Variants in FAXDC2 observed in about 807,000 individuals in gnomAD.
FAXDC2 encodes fatty acid hydroxylase domain containing 2.
FAXDC2 carries 41 observed loss-of-function variants against 40.9 expected under a neutral mutation model. The observed-to-expected ratio is 1.00, with a 90% CI of 0.78 to 1.30. The LOEUF (loss-of-function observed/expected upper bound fraction) is 1.30. Ranked by LOEUF, FAXDC2 falls within the 50% of genes most tolerant of loss-of-function variation. The pLI is 0.00. For synonymous variants in FAXDC2, 157 were observed against 149.3 expected (o/e 1.05, Z -0.38); for missense variants, 390 against 408.8 (o/e 0.95, Z 0.40).
At chr5:154,832,762 T>C (rs916511786) in intron 4 of FAXDC2, among the ~76,000 whole-genome samples, 1 of 152,212 alleles carries the variant, frequency 6.6e-6, no homozygotes, top group African/African-American at 2.4e-5. Context: ...ACCTAACATA[T>C]ATAAAATATT....
At chr5:154,832,502 A>G (rs1160851742) in intron 4 of FAXDC2, among the ~76,000 whole-genome samples, 1 of 152,116 alleles carries the variant, frequency 6.6e-6, no homozygotes, top group Non-Finnish European at 1.5e-5. Flanking sequence ...CGCCTGGCCC[A>G]TATTTACTTT....
chr5:154,839,107 C>T (rs1178761517), intron 1 of FAXDC2, among the ~76,000 whole-genome samples: 2 of 151,854 alleles, frequency 1.3e-5, no homozygotes, highest in African/African-American at 2.4e-5. Context: ...GGGTGGATCA[C>T]CTAAGGTCAG....
intron 5 of FAXDC2, chr5:154,824,243 T>C: frequency 1.8e-6 from 1 of 541,644 alleles, no homozygotes; most frequent in South Asian, 2.2e-5. Context: ...GCCTCAATAC[T>C]GCAGCCAATA....
Position 154,838,111 on chromosome 5 carries a change from G to A in FAXDC2, c.48+20C>T. ...CTGACTACATTCTCACCAGTTTGGG[G>A]GCAAGGTGCTGGCATTTACCTGCTT... On this transcript the variant is annotated intron_variant, in intron 2 of 8. Coordinates refer to ENST00000326080, the MANE Select transcript of FAXDC2 (RefSeq NM_032385.5). The A allele has an allele frequency of 1.3e-6, 2 of 1,549,048 alleles. No individual in the cohort carries two copies. The highest frequency in any genetic ancestry group is 1.8e-6 in the Non-Finnish European group (2 of 1,120,980).
intron 5 of FAXDC2, among the ~76,000 whole-genome samples, chr5:154,825,856 C>G (rs1351526780): frequency 1.3e-5 from 2 of 151,754 alleles, no homozygotes; most frequent in Non-Finnish European, 2.9e-5. Context: ...GGTTTTTGGC[C>G]TGAGAAACTG....
chr5:154,826,643 A>G (rs1356619570), intron 5 of FAXDC2, among the ~76,000 whole-genome samples: 1 of 152,142 alleles, frequency 6.6e-6, no homozygotes, highest in African/African-American at 2.4e-5. Context: ...AGCTGTGGAA[A>G]TGTCTCTGGT....
intron 5 of FAXDC2, among the ~76,000 whole-genome samples, chr5:154,825,169 C>G (rs1056673025): frequency 1.3e-5 from 2 of 150,680 alleles, no homozygotes; most frequent in African/African-American, 2.4e-5. Flanking sequence ...TTGAGACCAT[C>G]CTGGCTAACA....
intron 4 of FAXDC2, among the ~76,000 whole-genome samples, chr5:154,833,153 C>T (rs1760235116): frequency 6.6e-6 from 1 of 151,848 alleles, no homozygotes; most frequent in African/African-American, 2.4e-5. Flanking sequence ...GCTTGTGCCT[C>T]AGCCTCCTGA....
chr5:154,828,839 G>A (rs1035408973), intron 5 of FAXDC2, among the ~76,000 whole-genome samples: 42 of 151,460 alleles, frequency 2.8e-4, no homozygotes, highest in African/African-American at 9.2e-4. Flanking sequence ...AGCATCAAGC[G>A]ATCCTCCTGT....
chr5:154,823,606 GGGA>G lies in FAXDC2; in HGVS notation c.367-17_367-15del, dbSNP rs747953480. 6.2e-7 allele frequency: 1 copy of G among 1,608,232 alleles called. No individual in the cohort carries two copies. The highest frequency in any genetic ancestry group is 1.1e-5 in the South Asian group (1 of 90,860). On this transcript the variant is annotated splice_polypyrimidine_tract_variant and intron_variant, in intron 5 of 8. Coordinates refer to ENST00000326080, the MANE Select transcript of FAXDC2 (RefSeq NM_032385.5). Reference sequence around the variant, plus strand: ...CACAGGATCCACCTGCCCAAGGGAAGGGAGGAGGGAGATGGATAAGAGTGTGAG... The same window carrying G: ...CACAGGATCCACCTGCCCAAGGGAAGGGAGGGAGATGGATAAGAGTGTGAG...
chr5:154,824,712 A>C, intron 5 of FAXDC2: 1 of 589,640 alleles, frequency 1.7e-6, no homozygotes, highest in Admixed American at 2.9e-5. Context: ...GTTGAAAATA[A>C]AGCATGAGCA....
At chr5:154,840,285 G>C (rs527482363) in intron 1 of FAXDC2, among the ~76,000 whole-genome samples, 2 of 152,132 alleles carry the variant, frequency 1.3e-5, no homozygotes, top group South Asian at 4.2e-4. Flanking sequence ...GAGGAGACGG[G>C]GGTCTTGAAC....
At chr5:154,841,852 C>T (rs6897558) in intron 1 of FAXDC2, among the ~76,000 whole-genome samples, 76 of 152,042 alleles carry the variant, frequency 5.0e-4, no homozygotes, top group African/African-American at 1.7e-3. Context: ...TATCCTGCCT[C>T]GGTCTCCCAA....
intron 1 of FAXDC2, among the ~76,000 whole-genome samples, chr5:154,848,319 A>G (rs1400250084): frequency 1.3e-5 from 2 of 152,234 alleles, no homozygotes; most frequent in East Asian, 3.8e-4. Context: ...CCTAGTTAGT[A>G]GAAATGACTT....
rs1405621482 is a variant in FAXDC2 at position 154,820,605 on chromosome 5, A to G, written c.846-133T>C. 7.1e-5 allele frequency: 48 copies of G among 679,534 alleles called. No individual in the cohort carries two copies. In the East Asian group the frequency reaches 1.5e-3, roughly 21 times the overall value. 42.1% of individuals were successfully genotyped at this position (679,534 alleles called of 1,614,324 possible). ...TGTCACCACCATCCTGACCATCTGC[A>G]TCAGAATAAGCTGGGGAGTTGCTAC... On this transcript the variant is annotated intron_variant, in intron 8 of 8. Transcript: ENST00000326080.
intron 4 of FAXDC2, among the ~76,000 whole-genome samples, chr5:154,833,117 A>G (rs987802463): frequency 2.6e-5 from 4 of 151,592 alleles, no homozygotes; most frequent in African/African-American, 9.7e-5. Flanking sequence ...GCTCACTGCA[A>G]CCTCCACCTC....
At chr5:154,830,992 CT>C in intron 4 of FAXDC2, 70 bp from the exon 5 acceptor site, 3 of 1,577,660 alleles carry the variant, frequency 1.9e-6, no homozygotes, top group Non-Finnish European at 2.6e-6. Context: ...ACAGAACATA[CT>C]TTTTTGTGGT....
intron 5 of FAXDC2, among the ~76,000 whole-genome samples, chr5:154,827,166 G>A (rs1259098585): frequency 2.0e-5 from 3 of 152,002 alleles, no homozygotes; most frequent in African/African-American, 7.2e-5. Context: ...TTACCCAGGC[G>A]TGATGGCACA....
chr5:154,820,964 T>C (rs765224041), intron 8 of FAXDC2: 10 of 351,344 alleles, frequency 2.8e-5, no homozygotes, highest in Admixed American at 4.9e-5. Context: ...CATGACTTCC[T>C]TGTGATTGCC....
Sources: gnomAD v4.1 joint callset for allele counts (sites outside exome capture counted in the v4.1 genomes callset) on GRCh38, gnomAD v4.1.1 for gene constraint, MANE v1.5 for transcripts, NCBI Gene and HGNC (gene_info 2026-07-23, HGNC 2026-07-21) for gene names.